Variants in SH3RF3 observed in about 807,000 individuals in gnomAD.
SH3RF3 encodes the protein SH3 domain containing ring finger 3, also known as E3 ubiquitin-protein ligase SH3RF3.
A neutral mutation model predicts 66.3 loss-of-function variants in SH3RF3; 29 were observed. The ratio of observed to expected loss-of-function variants is 0.44; its 90% confidence interval spans 0.33 to 0.60. SH3RF3 has a LOEUF of 0.60. Among genes scored for constraint, SH3RF3 ranks in the 20% least tolerant of loss-of-function variants. The probability of loss-of-function intolerance (pLI) is 0.04; values close to 1 mark genes in which losing one functional copy is unlikely to be tolerated. For synonymous variants in SH3RF3, 583 were observed against 532.0 expected (o/e 1.10, Z -1.32); for missense variants, 1,194 against 1,190.9 (o/e 1.00, Z -0.04).
Position 109,430,409 on chromosome 2 carries a change from C to A in SH3RF3, c.1404-2092C>A, listed in dbSNP as rs186084553. On this transcript the variant is annotated intron_variant, in intron 5 of 9. Coordinates refer to ENST00000309415, the MANE Select transcript of SH3RF3 (RefSeq NM_001099289.3). ...CCTGCACTCTTCCTCTCCTCTTCTG[C>A]CTTCCTTTGCCTCAGCCCAGGCTGT... is the stretch of plus-strand genomic sequence containing the variant. 5.4e-4 allele frequency among the ~76,000 whole-genome samples: 82 copies of A among 152,278 alleles called. 1 individual carries two copies. The East Asian group carries it at 0.016, about 29-fold the overall frequency.
intron 2 of SH3RF3, among the ~76,000 whole-genome samples, chr2:109,354,653 G>A (rs1682909687): frequency 6.6e-6 from 1 of 152,250 alleles, no homozygotes; most frequent in East Asian, 1.9e-4. Context: ...TGCCTTTGTA[G>A]TGGTGTCAAA....
chr2:109,376,693 G>A (rs574937603), intron 3 of SH3RF3, among the ~76,000 whole-genome samples: 58 of 152,322 alleles, frequency 3.8e-4, no homozygotes, highest in African/African-American at 1.3e-3. Context: ...ATCCTCAATA[G>A]GATATTCAGA....
intron 1 of SH3RF3, among the ~76,000 whole-genome samples, chr2:109,346,376 A>G (rs1445355884): frequency 1.3e-5 from 2 of 152,222 alleles, no homozygotes; most frequent in African/African-American, 4.8e-5. Context: ...TTTTCGATGT[A>G]CTACTGCTTC....
chr2:109,463,515 A>G (rs1055946463), intron 8 of SH3RF3, among the ~76,000 whole-genome samples: 1 of 152,136 alleles, frequency 6.6e-6, no homozygotes, highest in Non-Finnish European at 1.5e-5. Context: ...TCTGTTTCTC[A>G]TAGTCGTGGT....
At chr2:109,171,059 G>A (rs1460174059) in intron 1 of SH3RF3, among the ~76,000 whole-genome samples, 1 of 152,162 alleles carries the variant, frequency 6.6e-6, no homozygotes, top group Admixed American at 6.5e-5. Context: ...TCCTGGTTTG[G>A]TTCATGGGCA....
intron 1 of SH3RF3, among the ~76,000 whole-genome samples, chr2:109,193,328 A>G (rs1303906445): frequency 6.6e-6 from 1 of 152,186 alleles, no homozygotes; most frequent in African/African-American, 2.4e-5. Context: ...TCATCCATTC[A>G]AAGTGTACAA....
intron 1 of SH3RF3, among the ~76,000 whole-genome samples, chr2:109,339,911 CT>C (rs1682519728): frequency 6.6e-6 from 1 of 152,198 alleles, no homozygotes. Flanking sequence ...TCCACAGAGG[CT>C]TCCCTCGCCT....
intron 4 of SH3RF3, among the ~76,000 whole-genome samples, chr2:109,401,974 C>T (rs1676329000): frequency 6.6e-6 from 1 of 152,214 alleles, no homozygotes; most frequent in African/African-American, 2.4e-5. Flanking sequence ...CATGGCCAGG[C>T]TACTGACTTT....
rs116543897 is a variant in SH3RF3, at chr2:109,393,950, C to T, written c.946-4640C>T. On this transcript the variant is annotated intron_variant, in intron 3 of 9. Coordinates refer to ENST00000309415, the MANE Select transcript of SH3RF3 (RefSeq NM_001099289.3). ...TGGGGTGACTATACTCTGGCGCTGT[C>T]GTGGACCCAGCGCTGAAATTCCAGG... Among the ~76,000 whole-genome samples, 528 of 152,134 alleles carry T rather than the reference C, an allele frequency of 3.5e-3. 1 individual carries two copies. Among genetic ancestry groups the T allele is most frequent in the African/African-American group, 0.012 (493 of 41,504 alleles).
intron 8 of SH3RF3, among the ~76,000 whole-genome samples, chr2:109,471,197 ACT>A: frequency 7.6e-6 from 1 of 131,132 alleles, no homozygotes; most frequent in African/African-American, 3.2e-5. Flanking sequence ...TGGGCGACAG[ACT>A]CTGTCTCAAA....
intron 8 of SH3RF3, among the ~76,000 whole-genome samples, chr2:109,466,706 G>T (rs114570807): frequency 1.4e-3 from 217 of 152,206 alleles, no homozygotes; most frequent in African/African-American, 5.1e-3. Context: ...TCATAGTTTT[G>T]CATTTTACAT....
chr2:109,400,623 C>T lies in SH3RF3; in HGVS notation c.1299+1680C>T, dbSNP rs1209968502. Among the ~76,000 whole-genome samples the T allele has an allele frequency of 4.6e-5, 7 of 152,058 alleles. No homozygotes were observed. The Admixed American group carries it at 4.6e-4, about 10-fold the overall frequency. Reference sequence around the variant, plus strand: ...CTTATATGCGTCCCTTCCACATACACACCCACACATACACCCGTGCACACA... The same window carrying T: ...CTTATATGCGTCCCTTCCACATACATACCCACACATACACCCGTGCACACA... On this transcript the variant is annotated intron_variant, in intron 4 of 9. Transcript: ENST00000309415.
intron 5 of SH3RF3, among the ~76,000 whole-genome samples, chr2:109,424,583 G>A (rs369339649): frequency 1.3e-5 from 2 of 152,108 alleles, no homozygotes; most frequent in South Asian, 2.1e-4. Context: ...GTCACATTTC[G>A]GTAATTCTTA....
At chr2:109,302,370 G>A (rs1285017542) in intron 1 of SH3RF3, among the ~76,000 whole-genome samples, 1 of 152,220 alleles carries the variant, frequency 6.6e-6, no homozygotes, top group African/African-American at 2.4e-5. Context: ...TGAAATGCTT[G>A]CTGCTTCTGT....
intron 1 of SH3RF3, among the ~76,000 whole-genome samples, chr2:109,234,077 G>C (rs768545450): frequency 6.6e-6 from 1 of 152,214 alleles, no homozygotes; most frequent in Non-Finnish European, 1.5e-5. Context: ...ACATTTAGGA[G>C]TAGAATTGCT....
intron 5 of SH3RF3, among the ~76,000 whole-genome samples, chr2:109,429,225 G>A (rs540722860): frequency 2.6e-5 from 4 of 152,198 alleles, no homozygotes; most frequent in African/African-American, 4.8e-5. Flanking sequence ...ACCCCCACCC[G>A]GGCCAAGGCC....
At chr2:109,450,528 G>A (rs1204179573) in intron 8 of SH3RF3, among the ~76,000 whole-genome samples, 1 of 152,084 alleles carries the variant, frequency 6.6e-6, no homozygotes, top group Admixed American at 6.5e-5. Context: ...TTTTTAAAAA[G>A]TAAAATTAAT....
At chr2:109,221,442 G>T (rs1679238552) in intron 1 of SH3RF3, among the ~76,000 whole-genome samples, 1 of 152,172 alleles carries the variant, frequency 6.6e-6, no homozygotes, top group Non-Finnish European at 1.5e-5. Context: ...AATTAGCCAA[G>T]TGTGGTGGTG....
chr2:109,306,538 G>T (rs931280858), intron 1 of SH3RF3, among the ~76,000 whole-genome samples: 4 of 152,196 alleles, frequency 2.6e-5, no homozygotes, highest in Admixed American at 2.0e-4. Context: ...TGCCCTTGTG[G>T]ATGCTTTTTC....
Sources: gnomAD v4.1 joint callset for allele counts (sites outside exome capture counted in the v4.1 genomes callset) on GRCh38, gnomAD v4.1.1 for gene constraint, MANE v1.5 for transcripts, NCBI Gene and HGNC (gene_info 2026-07-23, HGNC 2026-07-21) for gene names.